CASKIN1: variants seen among roughly 807,000 people sequenced by gnomAD.
The protein encoded by CASKIN1 is caskin-1.
Under a neutral mutation model 117.5 loss-of-function variants are expected in CASKIN1, and 42 were observed. The ratio of observed to expected loss-of-function variants is 0.36; its 90% confidence interval spans 0.28 to 0.46. The LOEUF (loss-of-function observed/expected upper bound fraction) is 0.46. Among genes scored for constraint, CASKIN1 ranks in the 20% least tolerant of loss-of-function variants. The pLI, the probability that CASKIN1 is intolerant of heterozygous loss-of-function variation, is 1.00. For synonymous variants in CASKIN1, 1,148 were observed against 961.7 expected, an observed-to-expected ratio of 1.19 and a Z score of -3.59; for missense variants, 2,083 against 2,077.3, an observed-to-expected ratio of 1.00 and a Z score of -0.05.
Position 2,178,517 on chromosome 16 carries a change from C to T in CASKIN1, c.*33G>A, listed in dbSNP as rs918872366. ...TATAGGTCAGTGTGCGGGGAGGGCC[C>T]GGGCGGCGCGGGAGGGCCCGGCCAG... On this transcript the variant is annotated 3_prime_UTR_variant, in exon 20 of 20. Transcript: ENST00000343516. 4 of 1,523,604 alleles carry T rather than the reference C, an allele frequency of 2.6e-6. No individual in the cohort carries two copies. Among genetic ancestry groups the T allele is most frequent in the East Asian group, 2.6e-5 (1 of 38,924 alleles). 94.4% of individuals were successfully genotyped at this position (1,523,604 alleles called of 1,614,324 possible).
In CASKIN1 at chr16:2,179,096, C is replaced by T. The variant is rs2093156871; in HGVS notation, c.4005G>A (p.Ala1335=). 1 of 985,886 alleles carries T rather than the reference C, an allele frequency of 1.0e-6. No individual in the cohort carries two copies. Among genetic ancestry groups the T allele is most frequent in the Non-Finnish European group, 1.2e-6 (1 of 832,694 alleles). The allele number at this position is 985,886 out of a possible 1,614,324, so 61.1% of individuals were successfully genotyped here. Residue 1335 remains alanine (A), a synonymous_variant, in exon 19 of 20, where the codon GCG becomes GCA. Coordinates refer to ENST00000343516, the MANE Select transcript of CASKIN1 (RefSeq NM_020764.4). This position sits in a 1 kb window ranked among gnomAD's most constrained non-coding sequence, Gnocchi z 5.8. ...GCGGGGGCTTGGCGGGCACGTGCAGCGCGGGCGCGCCGGGGGACGGGGGCT... is the reference window on the plus strand; with the variant it reads ...GCGGGGGCTTGGCGGGCACGTGCAGTGCGGGCGCGCCGGGGGACGGGGGCT... ...PAKPPSPGAP[A]LHVPAKPPRA...
chr16:2,192,439 G>C (rs999780602), intron 1 of CASKIN1, among the ~76,000 whole-genome samples: 2 of 152,166 alleles, frequency 1.3e-5, no homozygotes, highest in Admixed American at 6.5e-5. Context: ...GCTGAGACTG[G>C]ACAGTGGCCG....
chr16:2,182,844 G>A lies in CASKIN1; in HGVS notation c.1629+802C>T, dbSNP rs1317144818. Among the ~76,000 whole-genome samples the A allele has an allele frequency of 6.6e-6, 1 of 152,232 alleles. No individual in the cohort carries two copies. Among genetic ancestry groups the A allele is most frequent in the African/African-American group, 2.4e-5 (1 of 41,464 alleles). ...CTCGCTCTGTCGCCCAGGCTGGAGTGCAGTGGCGCAATCTCGGCTCACTGC... is the reference window on the plus strand; with the variant it reads ...CTCGCTCTGTCGCCCAGGCTGGAGTACAGTGGCGCAATCTCGGCTCACTGC... On this transcript the variant is annotated intron_variant, in intron 16 of 19. Transcript: ENST00000343516. The surrounding 1 kb of genome is among the most constrained non-coding windows in gnomAD (Gnocchi z 4.1).
chr16:2,184,773 G>C lies in CASKIN1; in HGVS notation c.1416+4C>G. 6.6e-7 allele frequency: 1 copy of C among 1,514,680 alleles called. No individual in the cohort carries two copies. Among genetic ancestry groups the C allele is most frequent in the Non-Finnish European group, 8.8e-7 (1 of 1,131,998 alleles). 93.8% of individuals were successfully genotyped at this position (1,514,680 alleles called of 1,614,324 possible). A position where few individuals can be genotyped will look rare whatever the true frequency, so the allele number is the denominator to read the frequency against. Reference sequence around the variant, plus strand: ...CACGCTGAGAACACCCCCAAGCCCTGTACCTTGCCCTCCGATGCTGGCTCC... The same window carrying C: ...CACGCTGAGAACACCCCCAAGCCCTCTACCTTGCCCTCCGATGCTGGCTCC... On this transcript the variant is annotated splice_donor_region_variant and intron_variant, in intron 14 of 19. Transcript: ENST00000343516.
chr16:2,194,941 T>C (rs2093211398), intron 1 of CASKIN1, among the ~76,000 whole-genome samples: 1 of 152,162 alleles, frequency 6.6e-6, no homozygotes, highest in Non-Finnish European at 1.5e-5. Flanking sequence ...GGCTCACTGG[T>C]CTTAGGACCC....
intron 19 of CASKIN1, 112 bp downstream of exon 19, chr16:2,178,779 TCACGGCACGCC>T (rs1253385757): frequency 1.5e-6 from 2 of 1,319,856 alleles, no homozygotes; most frequent in Non-Finnish European, 2.0e-6. Flanking sequence ...GGAGCCCCGC[TCACGGCACGCC>T]CATCTCTGCC....
At position 2,182,789 on chromosome 16, in the gene CASKIN1, CCT is replaced by C. The variant is rs140859718; in HGVS notation, c.1629+855_1629+856del. Among the ~76,000 whole-genome samples the C allele has an allele frequency of 0.021, 3,141 of 152,362 alleles. 116 individuals carry two copies. Among genetic ancestry groups the C allele is most frequent in the African/African-American group, 0.07 (2,907 of 41,582 alleles). On this transcript the variant is annotated intron_variant, in intron 16 of 19. Transcript: ENST00000343516. The surrounding 1 kb of genome is among the most constrained non-coding windows in gnomAD (Gnocchi z 4.1). ...ACCCATCCCACTGCACAGGCACCTC[CCT>C]GTTGTTTTGCTTTGTTTGAGACGGA...
At position 2,180,183 on chromosome 16, in the gene CASKIN1, C is replaced by T. The variant is rs1282394368; in HGVS notation, c.3185G>A (p.Arg1062Gln). 7.1e-6 allele frequency: 11 copies of T among 1,550,050 alleles called. No individual in the cohort carries two copies. Among genetic ancestry groups the T allele is most frequent in the Non-Finnish European group, 6.1e-6 (7 of 1,147,608 alleles). The change falls in exon 18 of 20, where the codon CGG becomes CAG. Residue 1062 changes from arginine (R) to glutamine (Q), a missense_variant. Around this residue, in one of 3 missense-constraint regions of CASKIN1, gnomAD observed 1,818 missense variants for 1,688.9 expected, o/e 1.08. Transcript: ENST00000343516. ...AIGPGGEVVN[R>Q]RRTLSGPVTG... ...GACTGGCCCGCTGAGCGTGCGGCGC[C>T]GGTTCACCACCTCCCCGCCAGGCCC... is the stretch of plus-strand genomic sequence containing the variant.
chr16:2,189,623 T>C, intron 3 of CASKIN1, 59 bp from the exon 4 acceptor site: 1 of 1,528,226 alleles, frequency 6.5e-7, no homozygotes, highest in Non-Finnish European at 8.7e-7. Flanking sequence ...CCCTGGAGGA[T>C]AGGGGGGTGC....
At chr16:2,185,523 T>C in intron 10 of CASKIN1, 115 bp from the exon 11 acceptor site, 1 of 845,468 alleles carries the variant, frequency 1.2e-6, no homozygotes, top group Non-Finnish European at 1.8e-6. Context: ...TGCCCACCAT[T>C]GTCTCCAGGG....
chr16:2,186,810 A>G lies in CASKIN1; in HGVS notation c.945T>C (p.His315=). The part of the protein sequence containing the change: ...AGDIITVLEQ[H]PDGRWKGCIH... ...TGCAGCCCTTCCACCGGCCATCCGGATGCTGCTCGAGGACCTGGCCAGTAA... is the reference window on the plus strand; with the variant it reads ...TGCAGCCCTTCCACCGGCCATCCGGGTGCTGCTCGAGGACCTGGCCAGTAA... The change falls in exon 10 of 20, where the codon CAT becomes CAC. Residue 315 remains histidine, a synonymous_variant. Coordinates refer to ENST00000343516, the MANE Select transcript of CASKIN1 (RefSeq NM_020764.4). The G allele has an allele frequency of 6.2e-7, 1 of 1,612,930 alleles. No individual in the cohort carries two copies. The highest frequency in any genetic ancestry group is 8.5e-7 in the Non-Finnish European group (1 of 1,179,916).
chr16:2,183,879 G>C lies in CASKIN1; in HGVS notation c.1479C>G (p.Phe493Leu), dbSNP rs576523393. 6.2e-7 allele frequency: 1 copy of C among 1,612,432 alleles called. No homozygotes were observed. The highest frequency in any genetic ancestry group is 1.7e-5 in the Admixed American group (1 of 59,990). Residue 493 changes from phenylalanine (F) to leucine (L), a missense_variant, in exon 15 of 20, where the codon TTC (phenylalanine) becomes TTG (leucine). Phe to Leu is a conservative substitution (Grantham distance 22). Around this residue, in one of 3 missense-constraint regions of CASKIN1, gnomAD observed 1,818 missense variants for 1,688.9 expected, o/e 1.08. Coordinates refer to ENST00000343516, the MANE Select transcript of CASKIN1 (RefSeq NM_020764.4). ...TGGGCAGGTCGTAGCCGGCGCTGATGAAGTTGGGGGCGTAGAGCTGCAGCT... is the reference window on the plus strand; with the variant it reads ...TGGGCAGGTCGTAGCCGGCGCTGATCAAGTTGGGGGCGTAGAGCTGCAGCT... ...AFQLQLYAPN[F>L]ISAGYDLPTI... is the part of the protein sequence containing the mutation.
At chr16:2,178,752 C>T in intron 19 of CASKIN1, 106 bp from the exon 20 acceptor site, 2 of 1,337,518 alleles carry the variant, frequency 1.5e-6, no homozygotes, top group Non-Finnish European at 2.0e-6. Context: ...TTCCGCCTAC[C>T]GCACGACGAC....
Position 2,184,800 on chromosome 16 carries a change from G to C in CASKIN1, c.1393C>G (p.Leu465Val), listed in dbSNP as rs776661093. ...ACCTTGCCCTCCGATGCTGGCTCCA[G>C]CTTCTTGGGCGGCTGCTCCCCATAG... ...QVYGEQPPKK[L>V]EPASEGKSSE... Residue 465 changes from leucine (L) to valine (V), a missense_variant, in exon 14 of 20, where the codon CTG (leucine) becomes GTG (valine). By Grantham distance (32) the Leu-to-Val change is conservative (BLOSUM62 1). This residue lies in a region of CASKIN1 where 1,818 missense variants were observed against 1,688.9 expected (regional missense o/e 1.08). Coordinates refer to ENST00000343516, the MANE Select transcript of CASKIN1 (RefSeq NM_020764.4). 1 of 1,532,760 alleles carries C rather than the reference G, an allele frequency of 6.5e-7. No homozygotes were observed. Among genetic ancestry groups the C allele is most frequent in the Non-Finnish European group, 8.8e-7 (1 of 1,139,768 alleles). The allele number at this position is 1,532,760 out of a possible 1,614,324, so 94.9% of individuals were successfully genotyped here. A position where few individuals can be genotyped will look rare whatever the true frequency, so the allele number is the denominator to read the frequency against.
chr16:2,180,685 G>A lies in CASKIN1; in HGVS notation c.2683C>T (p.Arg895Trp), dbSNP rs764773543. 6.7e-6 allele frequency: 10 copies of A among 1,502,966 alleles called. No homozygotes were observed. The highest frequency in any genetic ancestry group is 2.0e-4 in the Middle Eastern group (1 of 5,110). 93.1% of individuals were successfully genotyped at this position (1,502,966 alleles called of 1,614,324 possible). ...GCCGCAGGCACCAGCAGCTCGTCCC[G>A]CTCCGGCTCGCTGTCGGACGCCGCA... ...RYAASDSEPE[R>W]DELLVPAAAG... Residue 895 changes from arginine (R) to tryptophan (W), a missense_variant, in exon 18 of 20, where the codon CGG (arginine) becomes TGG (tryptophan). By Grantham distance (101) the Arg-to-Trp change is moderately radical (BLOSUM62 -3). This residue lies in a region of CASKIN1 where 1,818 missense variants were observed against 1,688.9 expected (regional missense o/e 1.08). Transcript: ENST00000343516.
chr16:2,185,309 G>T lies in CASKIN1; in HGVS notation c.1148C>A (p.Ala383Glu). Residue 383 changes from alanine (A) to glutamate (E), a missense_variant and splice_region_variant, in exon 11 of 20, where the codon GCA becomes GAA. Around this residue, in one of 3 missense-constraint regions of CASKIN1, gnomAD observed 1,818 missense variants for 1,688.9 expected, o/e 1.08. Transcript: ENST00000343516. ...TGCCCTTCAGGGACCCAGCCTACCT[G>T]CAAAAGGCTTCCTCAGCACCCAGAT... is the stretch of plus-strand genomic sequence containing the variant. ...EEIWVLRKPF[A>E]GGDRSGSISG... The T allele has an allele frequency of 6.3e-7, 1 of 1,595,798 alleles. No individual in the cohort carries two copies. Among genetic ancestry groups the T allele is most frequent in the Non-Finnish European group, 8.6e-7 (1 of 1,167,510 alleles).
intron 6 of CASKIN1, 160 bp downstream of exon 6, chr16:2,188,867 G>A (rs1258732290): frequency 9.7e-6 from 10 of 1,026,020 alleles, no homozygotes; most frequent in South Asian, 1.6e-5. Flanking sequence ...AGCTCATCCT[G>A]TACATGGGCC....
At position 2,186,717 on chromosome 16, in the gene CASKIN1, G is replaced by A. The variant is rs751131105; in HGVS notation, c.1038C>T (p.Val346=). ...TGGGGTGGAACTTGCCTGCTCGCTT[G>A]ACAATGGCCTCGCCCAGGGAGGACG... ...YFPSSLGEAI[V]KRAGSRAGTE... The change falls in exon 10 of 20, where the codon GTC becomes GTT. Residue 346 remains valine, a synonymous_variant. Transcript: ENST00000343516. 2 of 1,612,562 alleles carry A rather than the reference G, an allele frequency of 1.2e-6. No individual in the cohort carries two copies. The highest frequency in any genetic ancestry group is 1.7e-6 in the Non-Finnish European group (2 of 1,179,792).
At chr16:2,187,093 C>T (rs1480938272) in intron 8 of CASKIN1, 21 bp from the exon 9 acceptor site, 1 of 1,613,184 alleles carries the variant, frequency 6.2e-7, no homozygotes, top group East Asian at 2.2e-5. Context: ...AGGAGGGGGC[C>T]CCCGAAGTCC....
Sources: gnomAD v4.1 joint callset for allele counts (sites outside exome capture counted in the v4.1 genomes callset) on GRCh38, gnomAD v4.1.1 for gene constraint, gnomAD v4.1.1 regional missense constraint, Gnocchi (gnomAD v3.1) non-coding constraint, MANE v1.5 for transcripts, NCBI Gene and HGNC (gene_info 2026-07-23, HGNC 2026-07-21) for gene names.